LRP2: variants seen among roughly 807,000 people sequenced by gnomAD.
LRP2 encodes the protein low-density lipoprotein receptor-related protein 2.
Under a neutral mutation model 531.0 loss-of-function variants are expected in LRP2, and 172 were observed. That is an observed-to-expected ratio of 0.32 (90% CI 0.29 to 0.37). The LOEUF is 0.37. Among genes scored for constraint, LRP2 ranks in the 10% least tolerant of loss-of-function variants. The probability of loss-of-function intolerance (pLI) is 1.00; values close to 1 mark genes in which losing one functional copy is unlikely to be tolerated. For missense variants in LRP2, 5,167 were observed against 5,868.3 expected (o/e 0.88, Z 3.90); for synonymous variants, 1,992 against 2,027.6 (o/e 0.98, Z 0.47).
At position 169,244,684 on chromosome 2, in the gene LRP2, A is replaced by C; in HGVS notation, c.3430+9T>G. The C allele has an allele frequency of 6.2e-7, 1 of 1,614,206 alleles. No homozygotes were observed. Among genetic ancestry groups the C allele is most frequent in the East Asian group, 2.2e-5 (1 of 44,884 alleles). On this transcript the variant is annotated intron_variant, in intron 22 of 78. Coordinates refer to ENST00000649046, the MANE Select transcript of LRP2 (RefSeq NM_004525.3). ...CTGACCAACCAAGGGAAACCAGCTCAAAACTTACTGCAGTTCTTTTCATCA... is the reference window on the plus strand; with the variant it reads ...CTGACCAACCAAGGGAAACCAGCTCCAAACTTACTGCAGTTCTTTTCATCA...
intron 48 of LRP2, 50 bp downstream of exon 48, chr2:169,191,782 C>G: frequency 6.5e-7 from 1 of 1,535,156 alleles, no homozygotes; most frequent in Non-Finnish European, 9.0e-7. Context: ...TGAGCCCAGC[C>G]CCCATGGACA....
At position 169,128,751 on chromosome 2, in the gene LRP2, G is replaced by T. The variant is rs191145030; in HGVS notation, c.13880C>A (p.Ser4627Ter). ...PSLPAKPKPP[S>*]RRDPTPTYSA... is the part of the protein sequence containing the mutation. ...ATAGGTTGGAGTTGGGTCTCTTCTCGAAGGAGGCTTAGGCTTAGCAGGGAG... is the reference window on the plus strand; with the variant it reads ...ATAGGTTGGAGTTGGGTCTCTTCTCTAAGGAGGCTTAGGCTTAGCAGGGAG... The change falls in exon 79 of 79, where the codon TCG becomes TAG. Residue 4627 changes from serine to a stop codon, truncating the protein, a stop_gained. Coordinates refer to ENST00000649046, the MANE Select transcript of LRP2 (RefSeq NM_004525.3). LOFTEE classifies it high-confidence loss of function. The T allele has an allele frequency of 5.6e-6, 9 of 1,614,090 alleles. No homozygotes were observed. Among genetic ancestry groups the T allele is most frequent in the Non-Finnish European group, 6.8e-6 (8 of 1,179,980 alleles).
chr2:169,130,490 G>T (rs1321732993), intron 77 of LRP2, among the ~76,000 whole-genome samples: 1 of 152,088 alleles, frequency 6.6e-6, no homozygotes, highest in African/African-American at 2.4e-5. Context: ...GTTTCACTAT[G>T]TTGGCCAGGT....
chr2:169,341,270 A>C (rs1685554681), intron 1 of LRP2, among the ~76,000 whole-genome samples: 1 of 152,202 alleles, frequency 6.6e-6, no homozygotes, highest in Non-Finnish European at 1.5e-5. Flanking sequence ...GCACGTCTTC[A>C]AATTACAAAG....
At chr2:169,278,345 A>G (rs575913210) in intron 12 of LRP2, among the ~76,000 whole-genome samples, 1 of 152,140 alleles carries the variant, frequency 6.6e-6, no homozygotes, top group East Asian at 1.9e-4. Context: ...TTAGCTGGGC[A>G]TGATGGCACT....
intron 16 of LRP2, 149 bp downstream of exon 16, chr2:169,270,755 A>C: frequency 1.0e-5 from 1 of 96,218 alleles, no homozygotes; most frequent in Non-Finnish European, 2.0e-5. Context: ...AAAGTAAAAT[A>C]GTATAAATAA....
intron 4 of LRP2, among the ~76,000 whole-genome samples, chr2:169,305,247 C>T (rs1029801314): frequency 6.6e-6 from 1 of 152,042 alleles, no homozygotes; most frequent in Non-Finnish European, 1.5e-5. Context: ...AAAAATGCAC[C>T]ATGTGGTCAT....
At chr2:169,178,169 A>C (rs1687283588) in intron 52 of LRP2, 143 bp from the exon 53 acceptor site, 1 of 675,878 alleles carries the variant, frequency 1.5e-6, no homozygotes, top group African/African-American at 1.8e-5. Flanking sequence ...CCTAGTCTTT[A>C]ATTAAAACAA....
chr2:169,220,207 C>G (rs192286396), intron 34 of LRP2, among the ~76,000 whole-genome samples: 1 of 152,152 alleles, frequency 6.6e-6, no homozygotes, highest in Non-Finnish European at 1.5e-5. Flanking sequence ...AAAATTCTTG[C>G]TTGTTTGGAA....
In LRP2 at chr2:169,284,054, A is replaced by G. The variant is rs113990602; in HGVS notation, c.1043-1053T>C. On this transcript the variant is annotated intron_variant, in intron 9 of 78. Coordinates refer to ENST00000649046, the MANE Select transcript of LRP2 (RefSeq NM_004525.3). ...TAGAGTTCCCACACCCTCTGGTTTC[A>G]GGAAGTTCTCAAGTAGATTATAATT... Among the ~76,000 whole-genome samples, 15 of 152,098 alleles carry G rather than the reference A, an allele frequency of 9.9e-5. 1 individual carries two copies. Among genetic ancestry groups the G allele is most frequent in the African/African-American group, 3.6e-4 (15 of 41,498 alleles).
At chr2:169,358,635 T>C (rs1686057386) in intron 1 of LRP2, among the ~76,000 whole-genome samples, 1 of 152,218 alleles carries the variant, frequency 6.6e-6, no homozygotes, top group South Asian at 2.1e-4. Flanking sequence ...CATGTGAAGA[T>C]GTAATTGTCA....
At chr2:169,240,925 A>T (rs570671235) in intron 25 of LRP2, 63 bp downstream of exon 25, 1 of 1,585,744 alleles carries the variant, frequency 6.3e-7, no homozygotes, top group Middle Eastern at 1.7e-4. Context: ...GACAATGGTG[A>T]TGCACACCAG....
chr2:169,330,056 G>A (rs926121808), intron 1 of LRP2, among the ~76,000 whole-genome samples: 5 of 152,198 alleles, frequency 3.3e-5, no homozygotes, highest in Admixed American at 1.3e-4. Flanking sequence ...ATAATCTGAG[G>A]TGAAACAGTG....
Position 169,231,861 on chromosome 2 carries a change from A to G in LRP2, c.5099-19T>C. 6.2e-7 allele frequency: 1 copy of G among 1,613,512 alleles called. No individual in the cohort carries two copies. Among genetic ancestry groups the G allele is most frequent in the Non-Finnish European group, 8.5e-7 (1 of 1,179,652 alleles). Reference sequence around the variant, plus strand: ...TTCACGGCTGCATGAGAAAGAGAAGAAAGCACCAGTAAGTGGAAAACCTCC... The same window carrying G: ...TTCACGGCTGCATGAGAAAGAGAAGGAAGCACCAGTAAGTGGAAAACCTCC... On this transcript the variant is annotated intron_variant, in intron 30 of 78. Transcript: ENST00000649046.
At chr2:169,263,956 TG>T (rs1438407029) in intron 16 of LRP2, among the ~76,000 whole-genome samples, 1 of 152,018 alleles carries the variant, frequency 6.6e-6, no homozygotes, top group Non-Finnish European at 1.5e-5. Flanking sequence ...GGGACATGGA[TG>T]AAATTGGAAA....
At chr2:169,266,744 T>A (rs920823577) in intron 16 of LRP2, among the ~76,000 whole-genome samples, 4 of 152,190 alleles carry the variant, frequency 2.6e-5, no homozygotes, top group Admixed American at 2.0e-4. Flanking sequence ...CCTGAAGAGA[T>A]GTCTTCCCCT....
intron 7 of LRP2, among the ~76,000 whole-genome samples, chr2:169,291,441 T>C (rs1683997103): frequency 6.6e-6 from 1 of 152,216 alleles, no homozygotes; most frequent in African/African-American, 2.4e-5. Context: ...ATAACCCAAA[T>C]GTAGAAAAAC....
intron 13 of LRP2, 72 bp downstream of exon 13, chr2:169,277,673 A>G: frequency 7.5e-7 from 1 of 1,339,738 alleles, no homozygotes; most frequent in South Asian, 1.2e-5. Flanking sequence ...GTCCTTTGAT[A>G]TTTCTCTGCA....
chr2:169,294,866 G>A (rs1682064415), intron 4 of LRP2, among the ~76,000 whole-genome samples, 156 bp from the exon 5 acceptor site: 1 of 147,320 alleles, frequency 6.8e-6, no homozygotes, highest in African/African-American at 2.5e-5. Flanking sequence ...GCTTCATGGA[G>A]AGTAAGGCTG....
Sources: gnomAD v4.1 joint callset for allele counts (sites outside exome capture counted in the v4.1 genomes callset) on GRCh38, gnomAD v4.1.1 for gene constraint, MANE v1.5 for transcripts, NCBI Gene and HGNC (gene_info 2026-07-23, HGNC 2026-07-21) for gene names.